SDK1: variants seen among roughly 807,000 people sequenced by gnomAD.
The protein encoded by SDK1 is sidekick cell adhesion molecule 1, also known as protein sidekick-1.
A neutral mutation model predicts 245.5 loss-of-function variants in SDK1; 157 were observed. That is an observed-to-expected ratio of 0.64 (90% CI 0.56 to 0.73). The LOEUF is 0.73. SDK1 is among the 30% of genes least tolerant of loss of function. SDK1 has a pLI of 0.00. For synonymous variants in SDK1, 1,647 were observed against 1,278.5 expected (o/e 1.29, Z -6.15); for missense variants, 3,583 against 3,002.3 (o/e 1.19, Z -4.52).
intron 11 of SDK1, among the ~76,000 whole-genome samples, chr7:3,971,012 A>C (rs1318892895): frequency 6.6e-6 from 1 of 152,188 alleles, no homozygotes; most frequent in Non-Finnish European, 1.5e-5. Context: ...CCTTCCTGAA[A>C]ACTGAGAATA....
At chr7:3,728,572 A>C (rs540645729) in intron 4 of SDK1, among the ~76,000 whole-genome samples, 14 of 152,310 alleles carry the variant, frequency 9.2e-5, no homozygotes, top group African/African-American at 3.4e-4. Flanking sequence ...TGAGAAGAGA[A>C]GTTGGCCATG....
At chr7:3,567,302 A>G (rs1229211265) in intron 1 of SDK1, among the ~76,000 whole-genome samples, 1 of 152,194 alleles carries the variant, frequency 6.6e-6, no homozygotes, top group East Asian at 1.9e-4. Context: ...TGAGAATGAA[A>G]TGGCTTGATA....
At chr7:3,448,031 G>C (rs1780397327) in intron 1 of SDK1, among the ~76,000 whole-genome samples, 1 of 152,192 alleles carries the variant, frequency 6.6e-6, no homozygotes, top group Middle Eastern at 3.4e-3. Flanking sequence ...ACACAACAAT[G>C]CTTTGATTTC....
chr7:3,739,675 T>C (rs1196144531), intron 4 of SDK1, among the ~76,000 whole-genome samples: 1 of 152,222 alleles, frequency 6.6e-6, no homozygotes, highest in Non-Finnish European at 1.5e-5. Context: ...TCTCATACTT[T>C]AATTCTTTAG....
At chr7:3,386,225 G>T (rs1330040667) in intron 1 of SDK1, among the ~76,000 whole-genome samples, 4 of 152,158 alleles carry the variant, frequency 2.6e-5, no homozygotes, top group African/African-American at 7.2e-5. Context: ...TGTAAGGTTA[G>T]TGATACAAAG....
intron 44 of SDK1, among the ~76,000 whole-genome samples, chr7:4,248,127 G>T (rs1296874218): frequency 6.6e-6 from 1 of 152,122 alleles, no homozygotes; most frequent in Admixed American, 6.5e-5. Context: ...CGTGAACTGA[G>T]CTAAGCATAT....
At chr7:3,763,019 G>C (rs771571285) in intron 4 of SDK1, among the ~76,000 whole-genome samples, 8 of 152,018 alleles carry the variant, frequency 5.3e-5, no homozygotes, top group Non-Finnish European at 1.0e-4. Context: ...CAAGATAGGA[G>C]AGTAATTTTC....
chr7:3,500,397 C>T (rs998578269), intron 1 of SDK1, among the ~76,000 whole-genome samples: 10 of 152,138 alleles, frequency 6.6e-5, no homozygotes, highest in South Asian at 2.1e-4. Flanking sequence ...TTTTTCTACC[C>T]TCTTTCTTAG....
At chr7:3,413,826 A>G (rs147766394) in intron 1 of SDK1, among the ~76,000 whole-genome samples, 190 of 152,284 alleles carry the variant, frequency 1.2e-3, no homozygotes, top group African/African-American at 4.5e-3. Context: ...CCATCTCTAC[A>G]AAAAATTAAA....
chr7:3,894,238 A>G (rs974525301), intron 5 of SDK1, among the ~76,000 whole-genome samples: 1 of 152,216 alleles, frequency 6.6e-6, no homozygotes, highest in Non-Finnish European at 1.5e-5. Flanking sequence ...AATTTAATTT[A>G]CTTCTCCCTG....
At chr7:3,574,721 G>A (rs992626964) in intron 1 of SDK1, among the ~76,000 whole-genome samples, 1 of 152,052 alleles carries the variant, frequency 6.6e-6, no homozygotes, top group Non-Finnish European at 1.5e-5. Flanking sequence ...CTGGCTTCTT[G>A]AAATTTAGAA....
chr7:3,438,071 T>C (rs1252633697), intron 1 of SDK1, among the ~76,000 whole-genome samples: 1 of 152,132 alleles, frequency 6.6e-6, no homozygotes, highest in East Asian at 1.9e-4. Context: ...AATTAAGTTA[T>C]TTACAGCTAA....
chr7:4,235,321 G>A (rs975065712), intron 41 of SDK1, among the ~76,000 whole-genome samples: 12 of 152,176 alleles, frequency 7.9e-5, no homozygotes, highest in African/African-American at 2.2e-4. Context: ...GTGCCACCAC[G>A]CCCGGCTAAT....
intron 4 of SDK1, among the ~76,000 whole-genome samples, chr7:3,767,119 G>A (rs1380479119): frequency 2.0e-5 from 3 of 152,194 alleles, no homozygotes; most frequent in Admixed American, 6.6e-5. Flanking sequence ...GCATCTTGGA[G>A]GAGATCCTTC....
chr7:3,360,566 T>C (rs1254151324), intron 1 of SDK1, among the ~76,000 whole-genome samples: 1 of 152,106 alleles, frequency 6.6e-6, no homozygotes, highest in East Asian at 1.9e-4. Context: ...AACTTGAAAA[T>C]TGCTGATGAA....
chr7:3,347,589 G>A (rs1314538109), intron 1 of SDK1, among the ~76,000 whole-genome samples: 2 of 152,142 alleles, frequency 1.3e-5, no homozygotes, highest in Non-Finnish European at 2.9e-5. Flanking sequence ...AATTTTTAGG[G>A]CCAGAGGCTA....
rs141793259 is a variant in SDK1, at chr7:3,396,844, T to C, written c.298+94960T>C. Among the ~76,000 whole-genome samples the C allele has an allele frequency of 3.6e-3, 547 of 151,758 alleles. 1 individual carries two copies. The highest frequency in any genetic ancestry group is 5.9e-3 in the Non-Finnish European group (397 of 67,730). On this transcript the variant is annotated intron_variant, in intron 1 of 44. Transcript: ENST00000404826. ...TTGATTAGATGGTCTAATTCATTTATATTTATTTATATTTAATGTAATTAT... is the reference window on the plus strand; with the variant it reads ...TTGATTAGATGGTCTAATTCATTTACATTTATTTATATTTAATGTAATTAT...
intron 1 of SDK1, among the ~76,000 whole-genome samples, chr7:3,360,667 C>G (rs1201586800): frequency 1.3e-5 from 2 of 152,096 alleles, no homozygotes; most frequent in Non-Finnish European, 2.9e-5. Flanking sequence ...GTTTTGTTAC[C>G]TTGGCCCAGT....
intron 1 of SDK1, among the ~76,000 whole-genome samples, chr7:3,585,999 T>C (rs770051295): frequency 1.1e-4 from 16 of 152,172 alleles, no homozygotes; most frequent in East Asian, 1.9e-4. Context: ...TATGCAAATA[T>C]GGGCTGCAGA....
Sources: allele counts gnomAD v4.1 joint callset (sites outside exome capture counted in the v4.1 genomes callset), GRCh38; gene constraint gnomAD v4.1.1; transcripts MANE v1.5; gene names NCBI Gene and HGNC (gene_info 2026-07-23, HGNC 2026-07-21).